The following HMGXB4 variants were observed in gnomAD, a reference collection of about 807,000 sequenced individuals.
HMGXB4 encodes the protein HMG domain-containing protein 4.
Under a neutral mutation model 63.9 loss-of-function variants are expected in HMGXB4, and 27 were observed. That is an observed-to-expected ratio of 0.42 (90% CI 0.31 to 0.58). HMGXB4 has a LOEUF of 0.58. HMGXB4 is among the 20% of genes least tolerant of loss of function. The probability of loss-of-function intolerance (pLI) is 0.13; values close to 1 mark genes in which losing one functional copy is unlikely to be tolerated. For synonymous variants in HMGXB4, 264 were observed against 265.3 expected, an observed-to-expected ratio of 0.99 and a Z score of 0.05; for missense variants, 624 against 700.7, an observed-to-expected ratio of 0.89 and a Z score of 1.24.
At chr22:35,273,391 C>T (rs971938693) in intron 5 of HMGXB4, among the ~76,000 whole-genome samples, 1 of 152,216 alleles carries the variant, frequency 6.6e-6, no homozygotes, top group Non-Finnish European at 1.5e-5. Context: ...TGGATTCTTA[C>T]TCTGGTCTGC....
At position 35,258,253 on chromosome 22, in the gene HMGXB4, C is replaced by T. The variant is rs5755675; in HGVS notation, c.-69+696C>T. The T allele has an allele frequency of 2.6e-5, 4 of 152,298 alleles. No homozygotes were observed. The East Asian group carries it at 7.7e-4, about 30-fold the overall frequency. 9.4% of individuals were successfully genotyped at this position (152,298 alleles called of 1,614,324 possible). On this transcript the variant is annotated intron_variant, in intron 1 of 10. Coordinates refer to ENST00000216106, the MANE Select transcript of HMGXB4 (RefSeq NM_001003681.3). The stretch of plus-strand genomic sequence containing the variant: ...CGTGCCTTCGTGGTGGGCGCCTTCT[C>T]CATGCAGGCCCATTTTCCCTCCACC...
At chr22:35,259,314 C>T (rs1413873464) in intron 1 of HMGXB4, among the ~76,000 whole-genome samples, 1 of 152,208 alleles carries the variant, frequency 6.6e-6, no homozygotes, top group Non-Finnish European at 1.5e-5. Flanking sequence ...ATTCTTGCCT[C>T]TTGGAGTTGA....
chr22:35,280,676 A>G (rs1287495088), intron 5 of HMGXB4, among the ~76,000 whole-genome samples: 5 of 152,238 alleles, frequency 3.3e-5, no homozygotes. Flanking sequence ...TCTTCCGGAC[A>G]GAATCCATGC....
At position 35,284,054 on chromosome 22, in the gene HMGXB4, T is replaced by A. The variant is rs762231503; in HGVS notation, c.1297+11T>A. ...ACCATCCAGGTATAGGTAAGAACAT[T>A]ACTGATCTGTAGCGCTTTTGCTTTC... On this transcript the variant is annotated intron_variant, in intron 6 of 10. Coordinates refer to ENST00000216106, the MANE Select transcript of HMGXB4 (RefSeq NM_001003681.3). The A allele has an allele frequency of 6.3e-7, 1 of 1,585,322 alleles. No individual in the cohort carries two copies. The highest frequency in any genetic ancestry group is 8.7e-7 in the Non-Finnish European group (1 of 1,153,774).
At chr22:35,249,175 C>CAAA in the HMGXB4 span, among the ~76,000 whole-genome samples, 208 of 99,858 alleles carry the variant, frequency 2.1e-3, no homozygotes, top group South Asian at 4.5e-3. Flanking sequence ...TCTCCTGCCT[C>CAAA]GGCCTCCTGA....
chr22:35,288,212 T>C, intron 8 of HMGXB4, 26 bp from the exon 9 acceptor site: 4 of 1,423,676 alleles, frequency 2.8e-6, no homozygotes, highest in Non-Finnish European at 3.7e-6. Context: ...AAGTTTTACC[T>C]GTCTGCCTCA....
At chr22:35,253,129 T>A (rs1430126468), upstream of HMGXB4, among the ~76,000 whole-genome samples, 1 of 28,968 alleles carries the variant, frequency 3.5e-5, no homozygotes. Context: ...CAAAACTCCA[T>A]CTCAAAAAAA....
chr22:35,249,215 C>T, the HMGXB4 span, among the ~76,000 whole-genome samples: 3 of 45,594 alleles, frequency 6.6e-5, no homozygotes, highest in East Asian at 8.3e-4. Flanking sequence ...CCTACCACCA[C>T]GCCTGTCTAA....
chr22:35,242,666 C>A, the HMGXB4 span, among the ~76,000 whole-genome samples: 1 of 151,980 alleles, frequency 6.6e-6, no homozygotes, highest in Non-Finnish European at 1.5e-5. Flanking sequence ...TTCCTTCTGC[C>A]TTGGATTTAG....
At chr22:35,262,781 C>CGTCT (rs1419087758) in intron 2 of HMGXB4, 3 of 510,338 alleles carry the variant, frequency 5.9e-6, no homozygotes, top group African/African-American at 5.8e-5. Context: ...TTCAGCCTTT[C>CGTCT]GTCTGCAAGT....
intron 2 of HMGXB4, 86 bp from the exon 3 acceptor site, chr22:35,262,992 G>A (rs1407064044): frequency 2.5e-6 from 3 of 1,217,520 alleles, no homozygotes; most frequent in Non-Finnish European, 3.6e-6. Flanking sequence ...GGAAATAGAG[G>A]AACTGTTGCA....
At chr22:35,284,167 A>T in intron 6 of HMGXB4, 124 bp downstream of exon 6, 1 of 671,904 alleles carries the variant, frequency 1.5e-6, no homozygotes, top group Non-Finnish European at 2.6e-6. Flanking sequence ...TCTGCAAATC[A>T]CTTTAGATTT....
intron 9 of HMGXB4, among the ~76,000 whole-genome samples, chr22:35,290,640 A>AAG (rs1312426476): frequency 1.1e-4 from 16 of 150,836 alleles, no homozygotes; most frequent in African/African-American, 3.9e-4. Context: ...CAAAAAAAAA[A>AAG]AAAAAAAAAA....
chr22:35,247,848 A>G, the HMGXB4 span, among the ~76,000 whole-genome samples: 2 of 152,152 alleles, frequency 1.3e-5, no homozygotes, highest in Non-Finnish European at 2.9e-5. Flanking sequence ...ACATAATTTT[A>G]AGTGAGCAAA....
In HMGXB4 at chr22:35,265,194, C is replaced by T. The variant is rs1412433641; in HGVS notation, c.806C>T (p.Ser269Phe). The change falls in exon 5 of 11, where the codon TCT (serine) becomes TTT (phenylalanine). Residue 269 changes from serine (S) to phenylalanine (F), a missense_variant. This residue lies in a region of HMGXB4 where 472 missense variants were observed against 470.6 expected (regional missense o/e 1.00). Coordinates refer to ENST00000216106, the MANE Select transcript of HMGXB4 (RefSeq NM_001003681.3). ...TCTCCTGGCCCTGAAGGCTGTGGGTCTGACGCCTCCCAGTTCGCAGAGTCC... is the reference window on the plus strand; with the variant it reads ...TCTCCTGGCCCTGAAGGCTGTGGGTTTGACGCCTCCCAGTTCGCAGAGTCC... The part of the protein sequence containing the change: ...HSSPGPEGCG[S>F]DASQFAESHS... 1.2e-6 allele frequency: 2 copies of T among 1,614,108 alleles called. No individual in the cohort carries two copies. Among genetic ancestry groups the T allele is most frequent in the South Asian group, 1.1e-5 (1 of 91,076 alleles).
At chr22:35,281,739 A>C (rs1017914177) in intron 5 of HMGXB4, among the ~76,000 whole-genome samples, 18 of 152,338 alleles carry the variant, frequency 1.2e-4, no homozygotes, top group African/African-American at 4.1e-4. Context: ...TTCTTTCATC[A>C]TGTATTCTAG....
At chr22:35,271,125 G>A (rs1251803102) in intron 5 of HMGXB4, among the ~76,000 whole-genome samples, 1 of 151,834 alleles carries the variant, frequency 6.6e-6, no homozygotes, top group South Asian at 2.1e-4. Flanking sequence ...AGCCAGGCAT[G>A]GTGGCAAGCA....
chr22:35,266,019 C>T (rs1353759338), intron 5 of HMGXB4, among the ~76,000 whole-genome samples: 2 of 151,018 alleles, frequency 1.3e-5, no homozygotes, highest in East Asian at 3.9e-4. Flanking sequence ...AAACTCCTGA[C>T]CTCAAGTGAT....
rs568934835 is a variant in HMGXB4 at position 35,274,514 on chromosome 22, T to C, written c.1215+8911T>C. On this transcript the variant is annotated intron_variant, in intron 5 of 10. Transcript: ENST00000216106. ...TGTTCTAGGCACTACACTAGTTTTTTATCTACTATGTATCACTGAATTTTC... is the reference window on the plus strand; with the variant it reads ...TGTTCTAGGCACTACACTAGTTTTTCATCTACTATGTATCACTGAATTTTC... Among the ~76,000 whole-genome samples, 108 of 152,350 alleles carry C rather than the reference T, an allele frequency of 7.1e-4. 1 individual carries two copies. Among genetic ancestry groups the C allele is most frequent in the Admixed American group, 2.0e-3 (31 of 15,302 alleles).
Sources: gnomAD v4.1 joint callset for allele counts (sites outside exome capture counted in the v4.1 genomes callset) on GRCh38, gnomAD v4.1.1 for gene constraint, gnomAD v4.1.1 regional missense constraint, MANE v1.5 for transcripts, NCBI Gene and HGNC (gene_info 2026-07-23, HGNC 2026-07-21) for gene names.